The following LDB2 variants were observed in gnomAD, a reference collection of about 807,000 sequenced individuals.
LDB2 encodes the protein LIM domain binding 2.
Under a neutral mutation model 44.3 loss-of-function variants are expected in LDB2, and 12 were observed. The observed-to-expected ratio is 0.27, with a 90% CI of 0.17 to 0.44. The LOEUF (loss-of-function observed/expected upper bound fraction) is 0.44, where lower values mean the gene tolerates loss of function less well. Ranked by LOEUF, LDB2 falls within the 20% of genes least tolerant of loss-of-function variation. LDB2 has a pLI of 1.00. For synonymous variants in LDB2, 164 were observed against 174.8 expected (o/e 0.94, Z 0.49); for missense variants, 344 against 473.5 (o/e 0.73, Z 2.54).
chr4:16,814,699 T>C (rs933107205), intron 1 of LDB2, among the ~76,000 whole-genome samples: 3 of 152,224 alleles, frequency 2.0e-5, no homozygotes, highest in Non-Finnish European at 4.4e-5. Flanking sequence ...CTAGAAATTA[T>C]GGTTTGGAAT....
At chr4:16,739,632 ATATGTATATATACATATGTGTG>A (rs1762662201) in intron 2 of LDB2, among the ~76,000 whole-genome samples, 2 of 85,752 alleles carry the variant, frequency 2.3e-5, no homozygotes, top group African/African-American at 9.3e-5. Context: ...GTGTGTGTAT[ATATGTATATATACATATGTGTG>A]TATATATGTA....
At chr4:16,891,037 T>A (rs895331334) in intron 1 of LDB2, among the ~76,000 whole-genome samples, 1 of 152,124 alleles carries the variant, frequency 6.6e-6, no homozygotes, top group Non-Finnish European at 1.5e-5. Flanking sequence ...AGGGAGCCAA[T>A]ACTATACCCA....
chr4:16,742,612 C>A (rs1763539377), intron 2 of LDB2, among the ~76,000 whole-genome samples: 1 of 152,140 alleles, frequency 6.6e-6, no homozygotes, highest in Non-Finnish European at 1.5e-5. Context: ...ATTCAACGCA[C>A]CACATTCAAC....
intron 4 of LDB2, among the ~76,000 whole-genome samples, chr4:16,587,120 G>C (rs1448832176): frequency 6.6e-6 from 1 of 152,114 alleles, no homozygotes; most frequent in Non-Finnish European, 1.5e-5. Context: ...AGTAGCCAGG[G>C]TCAACCTCAA....
At chr4:16,761,337 G>T (rs1041973456) in intron 1 of LDB2, among the ~76,000 whole-genome samples, 4 of 152,198 alleles carry the variant, frequency 2.6e-5, no homozygotes, top group African/African-American at 9.6e-5. Context: ...GTCTTTGAGA[G>T]GCTGTGGTTA....
At chr4:16,762,271 C>T (rs1021376083) in intron 1 of LDB2, among the ~76,000 whole-genome samples, 1 of 152,140 alleles carries the variant, frequency 6.6e-6, no homozygotes, top group Non-Finnish European at 1.5e-5. Context: ...CATTAGCAAC[C>T]CTTTTCCCTG....
chr4:16,740,732 A>G (rs1271179979), intron 2 of LDB2, among the ~76,000 whole-genome samples: 1 of 152,188 alleles, frequency 6.6e-6, no homozygotes, highest in Non-Finnish European at 1.5e-5. Flanking sequence ...ACTAAGTGAC[A>G]ATTATTCTGT....
At chr4:16,719,545 T>G (rs1159645881) in intron 2 of LDB2, among the ~76,000 whole-genome samples, 3 of 152,108 alleles carry the variant, frequency 2.0e-5, no homozygotes, top group Non-Finnish European at 4.4e-5. Flanking sequence ...GATGCTAAAG[T>G]GTCTTAGAAT....
At chr4:16,683,211 T>C (rs1748392998) in intron 2 of LDB2, among the ~76,000 whole-genome samples, 1 of 152,184 alleles carries the variant, frequency 6.6e-6, no homozygotes, top group African/African-American at 2.4e-5. Flanking sequence ...TACATTCATG[T>C]TTGGAAAATT....
intron 1 of LDB2, among the ~76,000 whole-genome samples, chr4:16,883,144 A>G (rs1184296650): frequency 6.6e-6 from 1 of 152,250 alleles, no homozygotes; most frequent in African/African-American, 2.4e-5. Flanking sequence ...CACTGTGACC[A>G]GCAAGATCCC....
chr4:16,735,580 A>AC (rs34274593), intron 2 of LDB2, among the ~76,000 whole-genome samples: 2,639 of 151,642 alleles, frequency 0.017, 81 homozygotes, highest in African/African-American at 0.06. Flanking sequence ...AGAAAAAAAA[A>AC]CAGCAATTTC....
chr4:16,788,066 T>TC (rs1242382399), intron 1 of LDB2, among the ~76,000 whole-genome samples: 13 of 152,096 alleles, frequency 8.5e-5, no homozygotes, highest in East Asian at 1.9e-4. Context: ...AAGTCGATCC[T>TC]CCCCCCCCTC....
chr4:16,744,577 C>G (rs568140583), intron 2 of LDB2, among the ~76,000 whole-genome samples: 1 of 151,528 alleles, frequency 6.6e-6, no homozygotes, highest in East Asian at 2.0e-4. Flanking sequence ...TGGGTTCACA[C>G]TATTCTCCTG....
At chr4:16,767,803 A>G (rs557075359) in intron 1 of LDB2, among the ~76,000 whole-genome samples, 15 of 152,342 alleles carry the variant, frequency 9.8e-5, no homozygotes, top group African/African-American at 3.6e-4. Flanking sequence ...GTGCTATTAC[A>G]GTCCTTAGTC....
At chr4:16,597,108 T>C (rs1448121758) in intron 2 of LDB2, among the ~76,000 whole-genome samples, 1 of 152,198 alleles carries the variant, frequency 6.6e-6, no homozygotes, top group African/African-American at 2.4e-5. Flanking sequence ...AAAGAATCAG[T>C]GATAATCCAC....
At chr4:16,566,167 A>G (rs962651391) in intron 5 of LDB2, among the ~76,000 whole-genome samples, 1 of 152,134 alleles carries the variant, frequency 6.6e-6, no homozygotes, top group Non-Finnish European at 1.5e-5. Context: ...TTTATGTTCA[A>G]ATTAGATAAT....
chr4:16,696,307 C>T (rs1317550922), intron 2 of LDB2, among the ~76,000 whole-genome samples: 2 of 152,178 alleles, frequency 1.3e-5, no homozygotes, highest in East Asian at 1.9e-4. Flanking sequence ...TAGAGACAGG[C>T]TAACCCATCG....
intron 2 of LDB2, among the ~76,000 whole-genome samples, chr4:16,681,981 C>T (rs775943507): frequency 3.3e-5 from 5 of 152,218 alleles, no homozygotes; most frequent in East Asian, 3.9e-4. Context: ...AGACAGAGGA[C>T]GGGTGCCTAT....
chr4:16,766,329 A>T (rs1769193375), intron 1 of LDB2, among the ~76,000 whole-genome samples: 1 of 151,556 alleles, frequency 6.6e-6, no homozygotes, highest in Non-Finnish European at 1.5e-5. Context: ...CTTAACTGTG[A>T]TTTGTTTAAA....
Sources: gnomAD v4.1 joint callset for allele counts (sites outside exome capture counted in the v4.1 genomes callset) on GRCh38, gnomAD v4.1.1 for gene constraint, MANE v1.5 for transcripts, NCBI Gene and HGNC (gene_info 2026-07-23, HGNC 2026-07-21) for gene names.